The following ADAMTS2 variants were observed in gnomAD, a reference collection of about 807,000 sequenced individuals.
ADAMTS2 encodes the protein A disintegrin and metalloproteinase with thrombospondin motifs 2.
ADAMTS2 carries 50 observed loss-of-function variants against 123.0 expected under a neutral mutation model. That is an observed-to-expected ratio of 0.41 (90% CI 0.32 to 0.51). The LOEUF (loss-of-function observed/expected upper bound fraction) is 0.51, where lower values mean the gene tolerates loss of function less well. Ranked by LOEUF, ADAMTS2 falls within the 20% of genes least tolerant of loss-of-function variation. The pLI is 0.35. For synonymous variants in ADAMTS2, 678 were observed against 695.4 expected, an observed-to-expected ratio of 0.98 and a Z score of 0.39; for missense variants, 1,494 against 1,705.2, an observed-to-expected ratio of 0.88 and a Z score of 2.18.
In ADAMTS2 at chr5:179,202,951, T is replaced by C. The variant is rs1764602287; in HGVS notation, c.891+4562A>G. 6.6e-6 allele frequency among the ~76,000 whole-genome samples: 1 copy of C among 152,160 alleles called. No homozygotes were observed. The highest frequency in any genetic ancestry group is 2.4e-5 in the African/African-American group (1 of 41,436). On this transcript the variant is annotated intron_variant, in intron 4 of 21. Coordinates refer to ENST00000251582, the MANE Select transcript of ADAMTS2 (RefSeq NM_014244.5). This position sits in a 1 kb window ranked among gnomAD's most constrained non-coding sequence, Gnocchi z 4.0. The stretch of plus-strand genomic sequence containing the variant: ...GCTCCACACCAGCTACAAGGGAGAC[T>C]GGGGAGGGGAGCACAGGGGTGATCG...
chr5:179,295,625 C>G (rs761671611), intron 2 of ADAMTS2, among the ~76,000 whole-genome samples: 4 of 152,204 alleles, frequency 2.6e-5, no homozygotes, highest in Non-Finnish European at 5.9e-5. Flanking sequence ...CAATTTCCAC[C>G]CTGAAGCACA....
chr5:179,163,899 C>T (rs1763647383), intron 5 of ADAMTS2, among the ~76,000 whole-genome samples: 1 of 152,048 alleles, frequency 6.6e-6, no homozygotes, highest in South Asian at 2.1e-4. Context: ...TCTGAGGAGA[C>T]TCCCTGAGGA....
intron 2 of ADAMTS2, among the ~76,000 whole-genome samples, chr5:179,343,453 C>G (rs1757838618): frequency 6.6e-6 from 1 of 152,250 alleles, no homozygotes; most frequent in South Asian, 2.1e-4. Context: ...CACACACATA[C>G]ACGGACCCAC....
chr5:179,223,464 GAATGCAC>G (rs1169312484), intron 3 of ADAMTS2, among the ~76,000 whole-genome samples: 3 of 142,806 alleles, frequency 2.1e-5, no homozygotes, highest in African/African-American at 8.0e-5. Flanking sequence ...ACTCACACAC[GAATGCAC>G]TCACACACAA....
intron 3 of ADAMTS2, among the ~76,000 whole-genome samples, chr5:179,261,121 G>A (rs1282494269): frequency 6.6e-6 from 1 of 152,122 alleles, no homozygotes; most frequent in East Asian, 1.9e-4. Flanking sequence ...TATCGAACAT[G>A]ACAGAAAGTC....
intron 5 of ADAMTS2, among the ~76,000 whole-genome samples, chr5:179,174,197 C>G (rs1763887257): frequency 6.6e-6 from 1 of 152,062 alleles, no homozygotes. Context: ...ATTTCTTTAA[C>G]AGTAGAGTTA....
At chr5:179,334,168 T>C (rs1007657051) in intron 2 of ADAMTS2, among the ~76,000 whole-genome samples, 2 of 152,152 alleles carry the variant, frequency 1.3e-5, no homozygotes, top group Admixed American at 6.5e-5. Flanking sequence ...CCCAAAGGGC[T>C]TTCCAAGAAC....
In ADAMTS2 at chr5:179,218,728, C is replaced by A. The variant is rs566632601; in HGVS notation, c.689-11013G>T. 2.0e-4 allele frequency among the ~76,000 whole-genome samples: 31 copies of A among 152,306 alleles called. No homozygotes were observed. In the South Asian group the frequency reaches 6.2e-3, roughly 31 times the overall value. ...AATCTCAGGGGCAGTCCTGACAGTT[C>A]TCTAAACTCCCACGGGATGGGCTGC... On this transcript the variant is annotated intron_variant, in intron 3 of 21. Transcript: ENST00000251582.
intron 3 of ADAMTS2, among the ~76,000 whole-genome samples, chr5:179,257,032 C>T (rs1204222336): frequency 6.6e-6 from 1 of 152,214 alleles, no homozygotes; most frequent in Non-Finnish European, 1.5e-5. Context: ...GTCACCACAG[C>T]CCATGGGGAG....
intron 6 of ADAMTS2, among the ~76,000 whole-genome samples, chr5:179,157,123 T>C (rs1763488225): frequency 1.3e-5 from 2 of 152,034 alleles, no homozygotes; most frequent in South Asian, 2.1e-4. Context: ...GCCACTACAC[T>C]GGCTAATTTT....
chr5:179,201,516 T>G (rs1345154403), intron 4 of ADAMTS2, among the ~76,000 whole-genome samples: 1 of 151,408 alleles, frequency 6.6e-6, no homozygotes, highest in Non-Finnish European at 1.5e-5. Flanking sequence ...CCCGGCACGG[T>G]GGCTCACGCC....
intron 3 of ADAMTS2, among the ~76,000 whole-genome samples, chr5:179,210,944 T>C (rs1764837700): frequency 6.6e-6 from 1 of 152,232 alleles, no homozygotes; most frequent in African/African-American, 2.4e-5. Flanking sequence ...TCTGACCACA[T>C]GCTGGCCCTT....
chr5:179,124,878 T>G (rs1054773759), intron 19 of ADAMTS2, 95 bp downstream of exon 19: 3 of 1,594,956 alleles, frequency 1.9e-6, no homozygotes, highest in Admixed American at 1.7e-5. Context: ...GGTGGTGGTG[T>G]TGTGTAGCGG....
At chr5:179,319,481 A>G (rs1462780139) in intron 2 of ADAMTS2, among the ~76,000 whole-genome samples, 2 of 151,982 alleles carry the variant, frequency 1.3e-5, no homozygotes, top group African/African-American at 2.4e-5. Context: ...TCATGCACTC[A>G]CACATGCCTC....
rs1407144911 is a variant in ADAMTS2, at chr5:179,200,293, G to A, written c.891+7220C>T. 2.3e-5 allele frequency among the ~76,000 whole-genome samples: 3 copies of A among 128,104 alleles called. No individual in the cohort carries two copies. In the Admixed American group the frequency reaches 2.9e-4, roughly 12 times the overall value. 84.0% of individuals were successfully genotyped at this position (128,104 alleles called of 152,430 possible). On this transcript the variant is annotated intron_variant, in intron 4 of 21. Transcript: ENST00000251582. ...AGAGAGAATCTCACTCTGTCGCCCA[G>A]ACTGGAGTGCAGTGGCGTCACCTCA...
intron 2 of ADAMTS2, among the ~76,000 whole-genome samples, chr5:179,328,581 A>T (rs989824072): frequency 2.0e-5 from 3 of 152,224 alleles, no homozygotes; most frequent in Non-Finnish European, 4.4e-5. Flanking sequence ...GATTTGCACT[A>T]ATGTGTCATT....
intron 4 of ADAMTS2, among the ~76,000 whole-genome samples, chr5:179,200,374 G>A (rs551498614): frequency 8.8e-5 from 13 of 148,310 alleles, no homozygotes; most frequent in South Asian, 2.2e-4. Flanking sequence ...TCAGCCTCCC[G>A]AGTAGCTGGG....
At chr5:179,214,847 C>T (rs998984972) in intron 3 of ADAMTS2, among the ~76,000 whole-genome samples, 4 of 150,954 alleles carry the variant, frequency 2.6e-5, no homozygotes, top group African/African-American at 7.3e-5. Context: ...AATTATTCTC[C>T]GTCAAATAAT....
At chr5:179,245,796 C>CAAAAAAAAA (rs796076369) in intron 3 of ADAMTS2, among the ~76,000 whole-genome samples, 929 of 73,566 alleles carry the variant, frequency 0.013, 68 homozygotes, top group Non-Finnish European at 0.017. Flanking sequence ...AAAAAAAAAA[C>CAAAAAAAAA]AAAAAAAACA....
Sources: allele counts gnomAD v4.1 joint callset (sites outside exome capture counted in the v4.1 genomes callset), GRCh38; gene constraint gnomAD v4.1.1; non-coding constraint Gnocchi (gnomAD v3.1); transcripts MANE v1.5; gene names NCBI Gene and HGNC (gene_info 2026-07-23, HGNC 2026-07-21).